FAF1: variants seen among roughly 807,000 people sequenced by gnomAD.
The protein encoded by FAF1 is FAS-associated factor 1.
Under a neutral mutation model 92.5 loss-of-function variants are expected in FAF1, and 25 were observed. The ratio of observed to expected loss-of-function variants is 0.27; its 90% CI spans 0.20 to 0.38. The LOEUF (loss-of-function observed/expected upper bound fraction) is 0.38. Among genes scored for constraint, FAF1 ranks in the 10% least tolerant of loss-of-function variants. The pLI is 1.00. For synonymous variants in FAF1, 234 were observed against 273.2 expected, an observed-to-expected ratio of 0.86 and a Z score of 1.42; for missense variants, 636 against 793.3, an observed-to-expected ratio of 0.80 and a Z score of 2.38.
At chr1:50,918,256 T>C (rs1410981955) in intron 1 of FAF1, among the ~76,000 whole-genome samples, 1 of 137,520 alleles carries the variant, frequency 7.3e-6, no homozygotes, top group Non-Finnish European at 1.6e-5. Flanking sequence ...GTTAGTTACA[T>C]ATGTATACAT....
intron 16 of FAF1, 86 bp downstream of exon 16, chr1:50,491,635 A>C: frequency 2.2e-6 from 2 of 924,416 alleles, no homozygotes; most frequent in Non-Finnish European, 3.4e-6. Context: ...CAAACCCAGT[A>C]TTTTTAGGGA....
intron 7 of FAF1, among the ~76,000 whole-genome samples, chr1:50,702,939 A>G (rs1455961956): frequency 6.6e-6 from 1 of 152,126 alleles, no homozygotes; most frequent in Non-Finnish European, 1.5e-5. Flanking sequence ...TTCATTTAAT[A>G]GAAATTTCCC....
intron 13 of FAF1, among the ~76,000 whole-genome samples, chr1:50,561,681 C>T (rs530281417): frequency 1.3e-5 from 2 of 152,166 alleles, no homozygotes; most frequent in African/African-American, 2.4e-5. Flanking sequence ...CAAAAATTAG[C>T]CAGGCGTGGT....
chr1:50,540,129 C>A (rs1572819074), intron 13 of FAF1, among the ~76,000 whole-genome samples: 1 of 151,986 alleles, frequency 6.6e-6, no homozygotes, highest in Non-Finnish European at 1.5e-5. Flanking sequence ...CGCCACCACA[C>A]CTGGCTAATT....
intron 1 of FAF1, among the ~76,000 whole-genome samples, chr1:50,916,905 T>C (rs1337759446): frequency 1.3e-5 from 2 of 152,126 alleles, no homozygotes; most frequent in Non-Finnish European, 2.9e-5. Flanking sequence ...AAATTAAAGA[T>C]AAGGAGAAAT....
At chr1:50,937,368 GATA>G (rs987509004) in intron 1 of FAF1, among the ~76,000 whole-genome samples, 1 of 152,058 alleles carries the variant, frequency 6.6e-6, no homozygotes, top group Non-Finnish European at 1.5e-5. Context: ...TTAGGACTTA[GATA>G]AGAGTTAATG....
At chr1:50,459,335 C>G (rs1282270123) in intron 18 of FAF1, among the ~76,000 whole-genome samples, 3 of 152,192 alleles carry the variant, frequency 2.0e-5, no homozygotes, top group African/African-American at 7.2e-5. Flanking sequence ...TTCAAATCTG[C>G]TCCAGTCACT....
chr1:50,738,818 A>G, intron 6 of FAF1, 45 bp downstream of exon 6: 1 of 1,288,618 alleles, frequency 7.8e-7, no homozygotes, highest in Non-Finnish European at 1.1e-6. Flanking sequence ...AATTTTAACA[A>G]CTGAGTTTTT....
intron 6 of FAF1, among the ~76,000 whole-genome samples, chr1:50,729,216 C>T (rs1281286332): frequency 2.0e-5 from 3 of 151,286 alleles, no homozygotes; most frequent in Non-Finnish European, 2.9e-5. Flanking sequence ...CCACCATACC[C>T]GGCTTATTTT....
At chr1:50,653,784 C>G (rs967987050) in intron 8 of FAF1, among the ~76,000 whole-genome samples, 1 of 152,012 alleles carries the variant, frequency 6.6e-6, no homozygotes, top group Non-Finnish European at 1.5e-5. Flanking sequence ...GAGAATCAAT[C>G]GCTTGAACCC....
chr1:50,651,156 TG>T (rs1473492118), intron 8 of FAF1, among the ~76,000 whole-genome samples: 6 of 152,220 alleles, frequency 3.9e-5, no homozygotes, highest in Admixed American at 2.6e-4. Flanking sequence ...TTTCTCCTGT[TG>T]GGTGAGTCAA....
At chr1:50,800,960 T>C (rs921146565) in intron 3 of FAF1, among the ~76,000 whole-genome samples, 1 of 152,228 alleles carries the variant, frequency 6.6e-6, no homozygotes, top group South Asian at 2.1e-4. Flanking sequence ...CTTTATAAAG[T>C]GTTCTTTAAT....
At chr1:50,559,322 T>C (rs1004929339) in intron 13 of FAF1, among the ~76,000 whole-genome samples, 1 of 152,160 alleles carries the variant, frequency 6.6e-6, no homozygotes, top group Non-Finnish European at 1.5e-5. Context: ...ATCAACTATA[T>C]AGAGACTGAC....
chr1:50,859,328 A>G (rs898499183), intron 1 of FAF1, among the ~76,000 whole-genome samples: 1 of 151,748 alleles, frequency 6.6e-6, no homozygotes, highest in Non-Finnish European at 1.5e-5. Flanking sequence ...AAACTATCTC[A>G]CTTCATAAAT....
At chr1:50,656,257 G>A (rs552448262) in intron 7 of FAF1, among the ~76,000 whole-genome samples, 56 of 151,514 alleles carry the variant, frequency 3.7e-4, no homozygotes, top group African/African-American at 1.1e-3. Flanking sequence ...GTTTGCATCC[G>A]GGAAGCGGAG....
chr1:50,604,037 T>C (rs1321362721), intron 8 of FAF1, among the ~76,000 whole-genome samples: 3 of 152,212 alleles, frequency 2.0e-5, no homozygotes, highest in Non-Finnish European at 4.4e-5. Context: ...CTTTTTGCTA[T>C]GTACATAAAC....
At chr1:50,689,594 A>AAAAACAAAAC (rs888379270) in intron 7 of FAF1, among the ~76,000 whole-genome samples, 1 of 152,238 alleles carries the variant, frequency 6.6e-6, no homozygotes, top group Non-Finnish European at 1.5e-5. Flanking sequence ...AAAAAAAACA[A>AAAAACAAAAC]AAAACAAAAC....
chr1:50,692,491 C>A (rs1656982742), intron 7 of FAF1, among the ~76,000 whole-genome samples: 2 of 152,076 alleles, frequency 1.3e-5, no homozygotes, highest in Non-Finnish European at 2.9e-5. Flanking sequence ...AATCACTGTT[C>A]TCCTCTCTAC....
At chr1:50,638,976 G>A (rs769967417) in intron 8 of FAF1, among the ~76,000 whole-genome samples, 2 of 152,118 alleles carry the variant, frequency 1.3e-5, no homozygotes, top group Non-Finnish European at 2.9e-5. Flanking sequence ...GTCCCTATTG[G>A]AGTCAGTCTC....
Sources: gnomAD v4.1 joint callset for allele counts (sites outside exome capture counted in the v4.1 genomes callset) on GRCh38, gnomAD v4.1.1 for gene constraint, MANE v1.5 for transcripts, NCBI Gene and HGNC (gene_info 2026-07-23, HGNC 2026-07-21) for gene names.